The following LRSAM1 variants were observed in gnomAD, a reference collection of about 807,000 sequenced individuals.
LRSAM1 encodes the protein E3 ubiquitin-protein ligase LRSAM1.
In LRSAM1, 96 loss-of-function variants were observed where a neutral mutation model predicts 118.1. The observed-to-expected ratio is 0.81, with a 90% CI of 0.69 to 0.96. The LOEUF (loss-of-function observed/expected upper bound fraction) is 0.96. LRSAM1 is among the 40% of genes least tolerant of loss of function. The probability of loss-of-function intolerance (pLI) is 0.00; values close to 1 mark genes in which losing one functional copy is unlikely to be tolerated. For synonymous variants in LRSAM1, 322 were observed against 364.2 expected, an observed-to-expected ratio of 0.88 and a Z score of 1.32; for missense variants, 804 against 915.5, an observed-to-expected ratio of 0.88 and a Z score of 1.57.
chr9:127,457,884 A>G (rs913202442), intron 6 of LRSAM1, among the ~76,000 whole-genome samples: 1 of 152,126 alleles, frequency 6.6e-6, no homozygotes, highest in African/African-American at 2.4e-5. Context: ...GCCCAGCAGC[A>G]CAGGCCCAAT....
At chr9:127,491,192 A>AT (rs1835919578) in intron 19 of LRSAM1, 23 bp from the exon 20 acceptor site, 1 of 1,604,232 alleles carries the variant, frequency 6.2e-7, no homozygotes. Context: ...GTAAAAAAAA[A>AT]CCCTGTCTCG....
rs7868906 is a variant in LRSAM1, at chr9:127,499,537, A to T, written c.1913-1473A>T. ...CAGAGCAAGACCCTGTCTAAAAAAA[A>T]ATATATATATATATATATATGAATG... On this transcript the variant is annotated intron_variant, in intron 24 of 25. Transcript: ENST00000300417. Among the ~76,000 whole-genome samples, 827 of 115,244 alleles carry T rather than the reference A, an allele frequency of 7.2e-3. 2 individuals are homozygous for T. The highest frequency in any genetic ancestry group is 0.012 in the African/African-American group (397 of 34,414). 75.6% of individuals were successfully genotyped at this position (115,244 alleles called of 152,430 possible). A position where few individuals can be genotyped will look rare whatever the true frequency, so the allele number is the denominator to read the frequency against.
chr9:127,500,358 C>CAAAAAA lies in LRSAM1; in HGVS notation c.1913-640_1913-635dup, dbSNP rs563842364. 1.8e-3 allele frequency among the ~76,000 whole-genome samples: 168 copies of CAAAAAA among 93,486 alleles called. 15 individuals are homozygous for CAAAAAA. The highest frequency in any genetic ancestry group is 5.3e-3 in the East Asian group (17 of 3,232). The allele number at this position is 93,486 out of a possible 152,430, so 61.3% of individuals were successfully genotyped here. ...CCTGGGTGACAGAGCGAGACTGTCT[C>CAAAAAA]AAAAAAAAAAAAAAAAAGAGACTTA... On this transcript the variant is annotated intron_variant, in intron 24 of 25. Transcript: ENST00000300417.
intron 24 of LRSAM1, 146 bp downstream of exon 24, chr9:127,497,480 G>A: frequency 1.2e-6 from 1 of 841,136 alleles, no homozygotes; most frequent in South Asian, 1.5e-5. Context: ...CTCCCAAGGA[G>A]CAGGCTTAGG....
chr9:127,480,040 C>T (rs1357338056), intron 14 of LRSAM1, 62 bp downstream of exon 14: 92 of 1,610,898 alleles, frequency 5.7e-5, no homozygotes, highest in Middle Eastern at 1.6e-4. Flanking sequence ...CCTGAGGAGC[C>T]GGGAGGAGTG....
chr9:127,465,303 C>T lies in LRSAM1; in HGVS notation c.529-2437C>T, dbSNP rs111575097. Among the ~76,000 whole-genome samples the T allele has an allele frequency of 6.6e-6, 1 of 152,206 alleles. No individual in the cohort carries two copies. The highest frequency in any genetic ancestry group is 2.4e-5 in the African/African-American group (1 of 41,468). ...TCTATGATCTGTGCAGCCAACATGG[C>T]CACCCCAGCCACTTGTAGCTGCTGG... On this transcript the variant is annotated intron_variant, in intron 9 of 25. Coordinates refer to ENST00000300417, the MANE Select transcript of LRSAM1 (RefSeq NM_001005373.4). The surrounding 1 kb of genome is among the most constrained non-coding windows in gnomAD (Gnocchi z 4.1).
chr9:127,473,726 G>A (rs1835254458), intron 10 of LRSAM1, 75 bp from the exon 11 acceptor site: 1 of 1,607,850 alleles, frequency 6.2e-7, no homozygotes, highest in South Asian at 1.1e-5. Context: ...GGCTGCCCTG[G>A]CAGTGGGAGC....
chr9:127,452,938 G>T (rs1325062641), intron 2 of LRSAM1, among the ~76,000 whole-genome samples: 4 of 152,192 alleles, frequency 2.6e-5, no homozygotes, highest in Admixed American at 2.6e-4. Flanking sequence ...AGTGTACTTC[G>T]TGTGTGCCAA....
chr9:127,470,431 A>G (rs1364488798), intron 10 of LRSAM1, among the ~76,000 whole-genome samples: 1 of 152,008 alleles, frequency 6.6e-6, no homozygotes, highest in Non-Finnish European at 1.5e-5. Context: ...CCCATGATCT[A>G]ATCACCTCCC....
intron 10 of LRSAM1, among the ~76,000 whole-genome samples, chr9:127,468,810 CAAA>C (rs1185949155): frequency 6.1e-5 from 1 of 16,444 alleles, no homozygotes; most frequent in Non-Finnish European, 1.4e-4. Context: ...CCTGTCTCTA[CAAA>C]AAAAAAAAAA....
In LRSAM1 at chr9:127,459,041, T is replaced by C. The variant is rs1365359461; in HGVS notation, c.291T>C (p.Pro97=). The C allele has an allele frequency of 1.2e-6, 2 of 1,613,714 alleles. No individual in the cohort carries two copies. The highest frequency in any genetic ancestry group is 2.7e-5 in the African/African-American group (2 of 74,914). Residue 97 remains proline (P), a synonymous_variant, in exon 7 of 26, where the codon CCT becomes CCC. Transcript: ENST00000300417. ...DLHDNQLTAL[P]DDLGQLTALQ... ...ACGATAATCAGCTGACAGCCCTTCCTGACGATCTGGGGCAGCTGACTGCCC... is the reference window on the plus strand; with the variant it reads ...ACGATAATCAGCTGACAGCCCTTCCCGACGATCTGGGGCAGCTGACTGCCC...
chr9:127,495,419 G>A lies in LRSAM1; in HGVS notation c.1698+1G>A. ...GAAGCCCTTGTCCTTGAAGCTGCAAGTAAGGACTGCTGGTGCCTGTCCCGG... is the reference window on the plus strand; with the variant it reads ...GAAGCCCTTGTCCTTGAAGCTGCAAATAAGGACTGCTGGTGCCTGTCCCGG... On this transcript the variant is annotated splice_donor_variant, in intron 22 of 25. Transcript: ENST00000300417. LOFTEE classifies it high-confidence loss of function. 6.2e-7 allele frequency: 1 copy of A among 1,613,388 alleles called. No individual in the cohort carries two copies. Among genetic ancestry groups the A allele is most frequent in the Non-Finnish European group, 8.5e-7 (1 of 1,179,706 alleles).
At chr9:127,453,992 C>A (rs1564247597) in intron 2 of LRSAM1, 1 of 241,290 alleles carries the variant, frequency 4.1e-6, no homozygotes, top group Non-Finnish European at 8.3e-6. Flanking sequence ...AAGACACTGA[C>A]CCTTACCCCA....
chr9:127,499,128 T>G (rs779024386), intron 24 of LRSAM1, among the ~76,000 whole-genome samples: 1 of 150,964 alleles, frequency 6.6e-6, no homozygotes, highest in Non-Finnish European at 1.5e-5. Context: ...AATCCCACAC[T>G]TTGGGAGGCC....
intron 17 of LRSAM1, 86 bp downstream of exon 17, chr9:127,485,921 A>T: frequency 2.3e-6 from 3 of 1,327,572 alleles, no homozygotes; most frequent in Non-Finnish European, 2.1e-6. Context: ...CTGGGCACTA[A>T]ACCTCCCGCC....
At chr9:127,472,976 G>T (rs1835228599) in intron 10 of LRSAM1, among the ~76,000 whole-genome samples, 1 of 152,158 alleles carries the variant, frequency 6.6e-6, no homozygotes, top group Non-Finnish European at 1.5e-5. Context: ...GGTCCCATCA[G>T]TCTCCATCCC....
At chr9:127,473,762 C>T (rs1835256577) in intron 10 of LRSAM1, 39 bp from the exon 11 acceptor site, 1 of 1,613,946 alleles carries the variant, frequency 6.2e-7, no homozygotes, top group African/African-American at 1.3e-5. Flanking sequence ...CCTCAGCTGT[C>T]TCCTCCCTCC....
chr9:127,494,482 A>G (rs983831918), intron 21 of LRSAM1, among the ~76,000 whole-genome samples: 1 of 152,230 alleles, frequency 6.6e-6, no homozygotes, highest in South Asian at 2.1e-4. Context: ...AGTTGTGAGA[A>G]TTAATGATGG....
At chr9:127,480,029 C>A (rs755346698) in intron 14 of LRSAM1, 51 bp downstream of exon 14, 2 of 1,613,010 alleles carry the variant, frequency 1.2e-6, no homozygotes, top group Admixed American at 1.7e-5. Flanking sequence ...CCGTGCAGTC[C>A]CCTGAGGAGC....
Sources: allele counts gnomAD v4.1 joint callset (sites outside exome capture counted in the v4.1 genomes callset), GRCh38; gene constraint gnomAD v4.1.1; non-coding constraint Gnocchi (gnomAD v3.1); transcripts MANE v1.5; gene names NCBI Gene and HGNC (gene_info 2026-07-23, HGNC 2026-07-21).